The following MSL1 variants were observed in gnomAD, a reference collection of about 807,000 sequenced individuals.
MSL1 encodes the protein male-specific lethal 1 homolog.
MSL1 carries 21 observed loss-of-function variants against 64.6 expected under a neutral mutation model. The observed-to-expected ratio is 0.33, with a 90% CI of 0.23 to 0.47. The LOEUF is 0.47. Ranked by LOEUF, MSL1 falls within the 20% of genes least tolerant of loss-of-function variation. The pLI is 1.00. For synonymous variants in MSL1, 339 were observed against 329.6 expected, an observed-to-expected ratio of 1.03 and a Z score of -0.31; for missense variants, 664 against 793.2, an observed-to-expected ratio of 0.84 and a Z score of 1.96.
chr17:40,134,010 C>A, intron 8 of MSL1, 111 bp downstream of exon 8: 1 of 975,972 alleles, frequency 1.0e-6, no homozygotes, highest in South Asian at 1.4e-5. Flanking sequence ...AGCCATGGGT[C>A]TTTGACAGAA....
Position 40,126,173 on chromosome 17 carries a change from T to C in MSL1, c.769-10T>C. The C allele has an allele frequency of 6.2e-7, 1 of 1,613,432 alleles. No individual in the cohort carries two copies. On this transcript the variant is annotated splice_polypyrimidine_tract_variant and intron_variant, in intron 1 of 8. Coordinates refer to ENST00000398532, the MANE Select transcript of MSL1 (RefSeq NM_001365919.1). ...GTGTTAAGTCTGCATTTTGCTACTC[T>C]CTCTTTTAGCTCCTTGCTCGGATTG...
Position 40,133,185 on chromosome 17 carries a change from C to T in MSL1, c.1556+76C>T, listed in dbSNP as rs1406137120. 2.3e-6 allele frequency: 3 copies of T among 1,318,772 alleles called. No individual in the cohort carries two copies. In the African/African-American group the frequency reaches 4.4e-5, roughly 19 times the overall value. 81.7% of individuals were successfully genotyped at this position (1,318,772 alleles called of 1,614,324 possible). A position where few individuals can be genotyped will look rare whatever the true frequency, so the allele number is the denominator to read the frequency against. On this transcript the variant is annotated intron_variant, in intron 6 of 8. Coordinates refer to ENST00000398532, the MANE Select transcript of MSL1 (RefSeq NM_001365919.1). ...ACAGAGTATCAGGGAACCTGACCTC[C>T]CTTTTTCATGCTGTGGAGAATCTTG...
chr17:40,123,207 T>G lies in MSL1; in HGVS notation c.595T>G (p.Trp199Gly), dbSNP rs1988232619. 3 of 1,535,102 alleles carry G rather than the reference T, an allele frequency of 2.0e-6. No homozygotes were observed. The highest frequency in any genetic ancestry group is 2.6e-6 in the Non-Finnish European group (3 of 1,146,736). Reference sequence around the variant, plus strand: ...GACCCTGGCGGCCAGCGAGGGCAGATGGAAGAGTATGAGGAAGAGCCCTCT... The same window carrying G: ...GACCCTGGCGGCCAGCGAGGGCAGAGGGAAGAGTATGAGGAAGAGCCCTCT... ...AGTLAASEGR[W>G]KSMRKSPLGG... is the part of the protein sequence containing the mutation. Residue 199 changes from tryptophan (W) to glycine (G), a missense_variant, in exon 1 of 9, where the codon TGG becomes GGG. Physicochemically the swap from Trp to Gly is radical, Grantham distance 184. This residue lies in a region of MSL1 where 466 missense variants were observed against 499.0 expected (regional missense o/e 0.93). Transcript: ENST00000398532.
chr17:40,130,826 TA>T (rs1303415507), intron 3 of MSL1: 1 of 152,236 alleles, frequency 6.6e-6, no homozygotes, highest in African/African-American at 2.4e-5. Flanking sequence ...CGTAACAACT[TA>T]AGAGAAACGT....
chr17:40,124,287 C>G (rs1988262040), intron 1 of MSL1, among the ~76,000 whole-genome samples: 1 of 151,996 alleles, frequency 6.6e-6, no homozygotes, highest in African/African-American at 2.4e-5. Flanking sequence ...AACATGGTTT[C>G]TACAATTGTT....
Position 40,122,109 on chromosome 17 carries a change from A to G in MSL1, c.-504A>G, listed in dbSNP as rs1469799294. Among the ~76,000 whole-genome samples the G allele has an allele frequency of 6.6e-6, 1 of 151,136 alleles. No homozygotes were observed. The highest frequency in any genetic ancestry group is 1.5e-5 in the Non-Finnish European group (1 of 67,650). On this transcript the variant is annotated 5_prime_UTR_variant, in exon 1 of 9. Transcript: ENST00000398532. This position sits in a 1 kb window ranked among gnomAD's most constrained non-coding sequence, Gnocchi z 4.2. ...CGCGGAGACCCCCGGGAGAGGCGACAGACCCCCTCTCCCGGAGTAGGAGGG... is the reference window on the plus strand; with the variant it reads ...CGCGGAGACCCCCGGGAGAGGCGACGGACCCCCTCTCCCGGAGTAGGAGGG...
intron 2 of MSL1, 138 bp from the exon 3 acceptor site, chr17:40,129,107 C>A: frequency 1.5e-6 from 1 of 679,328 alleles, no homozygotes; most frequent in Admixed American, 3.3e-5. Context: ...GCTAAATGAG[C>A]ACCAGACATT....
chr17:40,126,043 A>G (rs2145128754), intron 1 of MSL1, 140 bp from the exon 2 acceptor site: 1 of 692,876 alleles, frequency 1.4e-6, no homozygotes, highest in Non-Finnish European at 2.5e-6. Flanking sequence ...GTTCAGATTA[A>G]TGTCTGCCTA....
intron 5 of MSL1, among the ~76,000 whole-genome samples, chr17:40,132,497 G>C (rs1377436751): frequency 6.6e-6 from 1 of 151,916 alleles, no homozygotes; most frequent in Non-Finnish European, 1.5e-5. Context: ...AATTAGCCGG[G>C]CGTGGTGGCG....
intron 2 of MSL1, among the ~76,000 whole-genome samples, chr17:40,127,233 G>A (rs1988338498): frequency 1.3e-5 from 2 of 151,530 alleles, no homozygotes; most frequent in South Asian, 4.2e-4. Flanking sequence ...CGGGCCTGGA[G>A]GTATGCACCT....
chr17:40,128,076 C>T lies in MSL1; in HGVS notation c.993-1169C>T, dbSNP rs906184062. On this transcript the variant is annotated intron_variant, in intron 2 of 8. Coordinates refer to ENST00000398532, the MANE Select transcript of MSL1 (RefSeq NM_001365919.1). ...GGTGGAGGTTGCAGTAAGCAGAGAT[C>T]GCACCACTGCACTCCACTCTGGGTG... Among the ~76,000 whole-genome samples the T allele has an allele frequency of 3.3e-5, 5 of 151,878 alleles. No individual in the cohort carries two copies. In the South Asian group the frequency reaches 6.2e-4, roughly 19 times the overall value.
Position 40,131,483 on chromosome 17 carries a change from A to C in MSL1, c.1376-54A>C. 5 of 1,506,944 alleles carry C rather than the reference A, an allele frequency of 3.3e-6. No individual in the cohort carries two copies. Among genetic ancestry groups the C allele is most frequent in the African/African-American group, 1.4e-5 (1 of 72,544 alleles). The allele number at this position is 1,506,944 out of a possible 1,614,324, so 93.3% of individuals were successfully genotyped here. On this transcript the variant is annotated intron_variant, in intron 3 of 8. Coordinates refer to ENST00000398532, the MANE Select transcript of MSL1 (RefSeq NM_001365919.1). The surrounding 1 kb of genome is among the most constrained non-coding windows in gnomAD (Gnocchi z 4.5). ...GATGATCCTTTCCTCCATTTGGGGT[A>C]TGGGCTTTTTTTCTTTTTACACTGA... is the stretch of plus-strand genomic sequence containing the variant.
chr17:40,133,847 C>G lies in MSL1; in HGVS notation c.1702C>G (p.Pro568Ala). Residue 568 changes from proline (P) to alanine (A), a missense_variant, in exon 8 of 9, where the codon CCC becomes GCC. By Grantham distance (27) the Pro-to-Ala change is conservative (BLOSUM62 -1). Transcript: ENST00000398532. ...CATAGTTGAAAGTTTGATGATTACC[C>G]CCTTCTTGCCTGTTGTAGCATTTGG... is the stretch of plus-strand genomic sequence containing the variant. ...PDDVESLMIT[P>A]FLPVVAFGRP... The G allele has an allele frequency of 6.2e-7, 1 of 1,613,978 alleles. No individual in the cohort carries two copies. The highest frequency in any genetic ancestry group is 8.5e-7 in the Non-Finnish European group (1 of 1,179,874).
chr17:40,123,639 CCA>C (rs906338063), intron 1 of MSL1, among the ~76,000 whole-genome samples: 1 of 151,920 alleles, frequency 6.6e-6, no homozygotes, highest in Non-Finnish European at 1.5e-5. Context: ...AATGACAGCC[CCA>C]GACGTGTGGG....
At position 40,122,587 on chromosome 17, in the gene MSL1, G is replaced by T; in HGVS notation, c.-26G>T. On this transcript the variant is annotated 5_prime_UTR_variant, in exon 1 of 9. Coordinates refer to ENST00000398532, the MANE Select transcript of MSL1 (RefSeq NM_001365919.1). The surrounding 1 kb of genome is among the most constrained non-coding windows in gnomAD (Gnocchi z 4.2). ...CCTTCCCCACCCCCTCCTCCGCCTC[G>T]GTGCCCGGCGCTGCTCCGGACCACT... 2 of 1,348,768 alleles carry T rather than the reference G, an allele frequency of 1.5e-6. No individual in the cohort carries two copies. The highest frequency in any genetic ancestry group is 1.9e-6 in the Non-Finnish European group (2 of 1,049,960). The allele number at this position is 1,348,768 out of a possible 1,614,324, so 83.6% of individuals were successfully genotyped here. A position where few individuals can be genotyped will look rare whatever the true frequency, so the allele number is the denominator to read the frequency against.
chr17:40,123,202 G>A lies in MSL1; in HGVS notation c.590G>A (p.Gly197Asp), dbSNP rs1370082382. Residue 197 changes from glycine to aspartate, a missense_variant, in exon 1 of 9, where the codon GGC (glycine) becomes GAC (aspartate). Transcript: ENST00000398532. ...ATAGTLAASE[G>D]RWKSMRKSPL... ...GCCGGGACCCTGGCGGCCAGCGAGGGCAGATGGAAGAGTATGAGGAAGAGC... is the reference window on the plus strand; with the variant it reads ...GCCGGGACCCTGGCGGCCAGCGAGGACAGATGGAAGAGTATGAGGAAGAGC... The A allele has an allele frequency of 1.3e-6, 2 of 1,535,550 alleles. No homozygotes were observed. Among genetic ancestry groups the A allele is most frequent in the Admixed American group, 2.0e-5 (1 of 50,992 alleles).
At chr17:40,133,683 T>A (rs1275205662) in intron 7 of MSL1, 25 bp downstream of exon 7, 2 of 1,611,438 alleles carry the variant, frequency 1.2e-6, no homozygotes, top group East Asian at 4.5e-5. Flanking sequence ...TCTAAAAGAG[T>A]AGGTTTTTGA....
chr17:40,136,275 G>C lies in MSL1; in HGVS notation c.*1906G>C, dbSNP rs1301477933. ...CTACCCAGGGGACTCCCCAGTTTCTGACTTGAAGTAGACTGAGAAGAATCC... is the reference window on the plus strand; with the variant it reads ...CTACCCAGGGGACTCCCCAGTTTCTCACTTGAAGTAGACTGAGAAGAATCC... On this transcript the variant is annotated 3_prime_UTR_variant, in exon 9 of 9. Coordinates refer to ENST00000398532, the MANE Select transcript of MSL1 (RefSeq NM_001365919.1). The C allele has an allele frequency of 2.6e-5, 4 of 152,304 alleles. No homozygotes were observed. The highest frequency in any genetic ancestry group is 4.4e-5 in the Non-Finnish European group (3 of 68,028). 9.4% of individuals were successfully genotyped at this position (152,304 alleles called of 1,614,324 possible). A position where few individuals can be genotyped will look rare whatever the true frequency, so the allele number is the denominator to read the frequency against.
At position 40,131,860 on chromosome 17, in the gene MSL1, C is replaced by T. The variant is rs139311237; in HGVS notation, c.1424-174C>T. ...AATGGCATTTTAGGTTCTTTTATAC[C>T]ATAGCAAGGACACTGAATATGGCTT... On this transcript the variant is annotated intron_variant, in intron 4 of 8. Coordinates refer to ENST00000398532, the MANE Select transcript of MSL1 (RefSeq NM_001365919.1). The surrounding 1 kb of genome is among the most constrained non-coding windows in gnomAD (Gnocchi z 4.5). The T allele has an allele frequency of 3.0e-4, 184 of 618,074 alleles. No homozygotes were observed. The East Asian group carries it at 4.8e-3, about 16-fold the overall frequency. The allele number at this position is 618,074 out of a possible 1,614,324, so 38.3% of individuals were successfully genotyped here.
Sources: allele counts gnomAD v4.1 joint callset (sites outside exome capture counted in the v4.1 genomes callset), GRCh38; gene constraint gnomAD v4.1.1; regional missense constraint gnomAD v4.1.1; non-coding constraint Gnocchi (gnomAD v3.1); transcripts MANE v1.5; gene names NCBI Gene and HGNC (gene_info 2026-07-23, HGNC 2026-07-21).